CNTNAP5: variants seen among roughly 807,000 people sequenced by gnomAD.
CNTNAP5 encodes the protein contactin-associated protein-like 5.
A neutral mutation model predicts 150.2 loss-of-function variants in CNTNAP5; 72 were observed. The ratio of observed to expected loss-of-function variants is 0.48; its 90% confidence interval spans 0.40 to 0.58. CNTNAP5 has a LOEUF of 0.58. CNTNAP5 is among the 20% of genes least tolerant of loss of function. The pLI is 0.00. For missense variants in CNTNAP5, 1,636 were observed against 1,626.2 expected, an observed-to-expected ratio of 1.01 and a Z score of -0.10; for synonymous variants, 672 against 619.8, an observed-to-expected ratio of 1.08 and a Z score of -1.25.
intron 1 of CNTNAP5, among the ~76,000 whole-genome samples, chr2:124,163,117 A>G (rs754718519): frequency 3.9e-5 from 6 of 152,168 alleles, no homozygotes; most frequent in Non-Finnish European, 8.8e-5. Flanking sequence ...GGAACCAACT[A>G]CAGGGCATAT....
intron 1 of CNTNAP5, among the ~76,000 whole-genome samples, chr2:124,189,330 C>T (rs1357717546): frequency 6.6e-6 from 1 of 152,072 alleles, no homozygotes; most frequent in Non-Finnish European, 1.5e-5. Flanking sequence ...CATTTCTAAG[C>T]CTTGCTAGCC....
intron 3 of CNTNAP5, among the ~76,000 whole-genome samples, chr2:124,257,275 G>T (rs1192670612): frequency 1.3e-5 from 2 of 152,148 alleles, no homozygotes; most frequent in Non-Finnish European, 2.9e-5. Context: ...TCATTATTTT[G>T]CAACCTCTGC....
At chr2:124,699,088 A>G (rs887061120) in intron 13 of CNTNAP5, among the ~76,000 whole-genome samples, 3 of 152,174 alleles carry the variant, frequency 2.0e-5, no homozygotes, top group Admixed American at 1.3e-4. Flanking sequence ...AATAGCCTCT[A>G]TGGCTGACAG....
chr2:124,627,630 GA>G (rs968459355), intron 12 of CNTNAP5, among the ~76,000 whole-genome samples: 1 of 151,754 alleles, frequency 6.6e-6, no homozygotes, highest in Non-Finnish European at 1.5e-5. Flanking sequence ...CAGAAACACT[GA>G]AAAATCCCAA....
rs570504446 is a variant in CNTNAP5 at position 124,517,026 on chromosome 2, A to T, written c.1328-7277A>T. 1.1e-4 allele frequency among the ~76,000 whole-genome samples: 16 copies of T among 152,282 alleles called. No individual in the cohort carries two copies. The East Asian group carries it at 2.9e-3, about 28-fold the overall frequency. ...CACCCATCCTCCACATGGTGAAAAA[A>T]TGTGCTGTTGGTGATGGGGATTTGT... On this transcript the variant is annotated intron_variant, in intron 8 of 23. Coordinates refer to ENST00000682447, the MANE Select transcript of CNTNAP5 (RefSeq NM_001367498.1).
chr2:124,715,824 G>T (rs1275057036), intron 13 of CNTNAP5, among the ~76,000 whole-genome samples: 1 of 152,150 alleles, frequency 6.6e-6, no homozygotes, highest in African/African-American at 2.4e-5. Context: ...CTACTAGTCT[G>T]CCACCTCGTC....
chr2:124,731,060 A>C (rs545499128), intron 13 of CNTNAP5, among the ~76,000 whole-genome samples: 4 of 152,182 alleles, frequency 2.6e-5, no homozygotes, highest in Admixed American at 1.3e-4. Flanking sequence ...CGTTTCCAGC[A>C]CTTCCTAATG....
intron 4 of CNTNAP5, 115 bp downstream of exon 4, chr2:124,417,705 C>T: frequency 1.0e-6 from 1 of 983,162 alleles, no homozygotes; most frequent in Non-Finnish European, 1.5e-6. Flanking sequence ...TGTTTCTAGA[C>T]TTTCATATGC....
chr2:124,531,084 G>A (rs1695095076), intron 10 of CNTNAP5, among the ~76,000 whole-genome samples: 1 of 151,824 alleles, frequency 6.6e-6, no homozygotes, highest in African/African-American at 2.4e-5. Context: ...TGGGAGCCGT[G>A]AGCTTGTTTT....
intron 13 of CNTNAP5, among the ~76,000 whole-genome samples, chr2:124,702,348 T>C (rs933601872): frequency 5.5e-5 from 1 of 18,086 alleles, no homozygotes; most frequent in Non-Finnish European, 1.6e-4. Flanking sequence ...TATGAACACT[T>C]TTTTTTTTTT....
chr2:124,032,348 G>C (rs1189382604), intron 1 of CNTNAP5, among the ~76,000 whole-genome samples: 2 of 151,966 alleles, frequency 1.3e-5, no homozygotes, highest in Admixed American at 1.3e-4. Context: ...AAGCATGAGA[G>C]TCTTTTATTT....
intron 3 of CNTNAP5, among the ~76,000 whole-genome samples, chr2:124,319,329 C>G (rs1262613597): frequency 6.6e-6 from 1 of 152,198 alleles, no homozygotes. Flanking sequence ...ATGTAAACAA[C>G]TCATTCTCCA....
At position 124,098,833 on chromosome 2, in the gene CNTNAP5, G is replaced by C. The variant is rs139347863; in HGVS notation, c.82+73101G>C. Among the ~76,000 whole-genome samples, 1,159 of 152,316 alleles carry C rather than the reference G, an allele frequency of 7.6e-3. 9 individuals carry two copies. The highest frequency in any genetic ancestry group is 0.026 in the African/African-American group (1,081 of 41,560). ...GGGAAACATCAGAAAGGGGGATAAA[G>C]TGTCAGGAACTCCACTGCAGTGATA... On this transcript the variant is annotated intron_variant, in intron 1 of 23. Transcript: ENST00000682447.
chr2:124,683,653 T>C (rs1679120878), intron 13 of CNTNAP5, among the ~76,000 whole-genome samples: 2 of 152,154 alleles, frequency 1.3e-5, no homozygotes, highest in African/African-American at 4.8e-5. Flanking sequence ...ACTAATTCCA[T>C]TGATGTTTAT....
chr2:124,451,100 A>G (rs1035986786), intron 6 of CNTNAP5, among the ~76,000 whole-genome samples: 4 of 143,562 alleles, frequency 2.8e-5, no homozygotes, highest in Non-Finnish European at 4.5e-5. Context: ...ACACACACAT[A>G]ATGTATATAT....
chr2:124,660,969 G>GA (rs921584567), intron 13 of CNTNAP5, among the ~76,000 whole-genome samples: 48 of 145,602 alleles, frequency 3.3e-4, no homozygotes, highest in Middle Eastern at 7.2e-3. Flanking sequence ...AAAAGAAAAA[G>GA]AAAAAAAAAT....
intron 21 of CNTNAP5, among the ~76,000 whole-genome samples, chr2:124,890,608 G>T (rs1022096214): frequency 5.3e-5 from 8 of 152,102 alleles, no homozygotes; most frequent in Non-Finnish European, 1.2e-4. Context: ...TTCGTCAATT[G>T]GTTGACGTGG....
At chr2:124,248,225 C>T (rs1372747743) in intron 3 of CNTNAP5, among the ~76,000 whole-genome samples, 2 of 152,136 alleles carry the variant, frequency 1.3e-5, no homozygotes, top group South Asian at 2.1e-4. Context: ...GGTCTTTCTC[C>T]CTACCCAGGG....
intron 1 of CNTNAP5, among the ~76,000 whole-genome samples, chr2:124,109,854 T>C (rs1251224881): frequency 6.6e-6 from 1 of 152,188 alleles, no homozygotes; most frequent in Non-Finnish European, 1.5e-5. Flanking sequence ...TTTATTCTGG[T>C]TTTTGAACAA....
Sources: gnomAD v4.1 joint callset for allele counts (sites outside exome capture counted in the v4.1 genomes callset) on GRCh38, gnomAD v4.1.1 for gene constraint, MANE v1.5 for transcripts, NCBI Gene and HGNC (gene_info 2026-07-23, HGNC 2026-07-21) for gene names.